The following EPHA10 variants were observed in gnomAD, a reference collection of about 807,000 sequenced individuals.
EPHA10 encodes the protein ephrin type-A receptor 10.
Under a neutral mutation model 109.7 loss-of-function variants are expected in EPHA10, and 120 were observed. The ratio of observed to expected loss-of-function variants is 1.09; its 90% CI spans 0.94 to 1.27. The LOEUF is 1.27. Among genes scored for constraint, EPHA10 ranks in the 50% most tolerant of loss-of-function variants. EPHA10 has a pLI of 0.00. For missense variants in EPHA10, 1,396 were observed against 1,411.1 expected, an observed-to-expected ratio of 0.99 and a Z score of 0.17; for synonymous variants, 640 against 618.9, an observed-to-expected ratio of 1.03 and a Z score of -0.51.
At chr1:37,760,101 T>A (rs1312068903) in intron 3 of EPHA10, among the ~76,000 whole-genome samples, 2 of 152,226 alleles carry the variant, frequency 1.3e-5, no homozygotes, top group Non-Finnish European at 2.9e-5. Context: ...GCAAATTTAG[T>A]CACTTCCTCC....
At chr1:37,758,688 A>G (rs892208835) in intron 3 of EPHA10, among the ~76,000 whole-genome samples, 15 of 152,024 alleles carry the variant, frequency 9.9e-5, no homozygotes, top group African/African-American at 3.6e-4. Flanking sequence ...AAGTATTGCT[A>G]TTCTATGAGT....
In EPHA10 at chr1:37,750,314, T is replaced by C. The variant is rs189815825; in HGVS notation, c.1357+2562A>G. Among the ~76,000 whole-genome samples the C allele has an allele frequency of 2.8e-4, 43 of 152,150 alleles. No individual in the cohort carries two copies. The East Asian group carries it at 7.1e-3, about 25-fold the overall frequency. ...ATACCCATCTGACATGAAAGAAAGA[T>C]GGAAAAAAAGAATTTTTAAAGATGT... On this transcript the variant is annotated intron_variant, in intron 5 of 16. Coordinates refer to ENST00000373048, the MANE Select transcript of EPHA10 (RefSeq NM_001099439.2).
chr1:37,760,314 C>T (rs1393243276), intron 3 of EPHA10: 8 of 1,042,182 alleles, frequency 7.7e-6, no homozygotes, highest in Non-Finnish European at 8.1e-6. Context: ...TAAGTACACA[C>T]ATTAATAACC....
chr1:37,761,123 C>T, intron 3 of EPHA10: 1 of 1,225,456 alleles, frequency 8.2e-7, no homozygotes, highest in Non-Finnish European at 1.0e-6. Flanking sequence ...TCCTTTATTG[C>T]CATGAAAATA....
intron 13 of EPHA10, 89 bp from the exon 14 acceptor site, chr1:37,720,147 T>C (rs1557528660): frequency 6.5e-7 from 1 of 1,530,104 alleles, no homozygotes; most frequent in Non-Finnish European, 8.8e-7. Flanking sequence ...AGCCTGCATG[T>C]CATCCTCCCA....
chr1:37,721,752 T>G lies in EPHA10; in HGVS notation c.2054A>C (p.Asp685Ala), dbSNP rs765149449. ...AVHMLRDSAS[D>A]SQRLGFLAEA... ...GGCCAGGAAGCCGAGCCTCTGTGAG[T>G]CGGAGGCGCTGTCCCTCAGCATATG... The change falls in exon 11 of 17, where the codon GAC becomes GCC. Residue 685 changes from aspartate to alanine, a missense_variant. By Grantham distance (126) the Asp-to-Ala change is moderately radical (BLOSUM62 -2). Transcript: ENST00000373048. The G allele has an allele frequency of 6.2e-7, 1 of 1,612,560 alleles. No individual in the cohort carries two copies. Among genetic ancestry groups the G allele is most frequent in the South Asian group, 1.1e-5 (1 of 91,000 alleles).
intron 8 of EPHA10, among the ~76,000 whole-genome samples, chr1:37,724,883 G>C (rs1438493811): frequency 6.6e-6 from 1 of 152,174 alleles, no homozygotes; most frequent in Non-Finnish European, 1.5e-5. Context: ...AGATAGGCCT[G>C]CCAGACAGCA....
chr1:37,724,149 C>T (rs1557533740), intron 8 of EPHA10, among the ~76,000 whole-genome samples: 1 of 152,184 alleles, frequency 6.6e-6, no homozygotes, highest in Non-Finnish European at 1.5e-5. Flanking sequence ...ATGGGGTCAA[C>T]ATGGGCATGG....
At position 37,754,208 on chromosome 1, in the gene EPHA10, G is replaced by A; in HGVS notation, c.1006+7C>T. ...CCTCCGCAGTGCAGCCTGGAGGGGG[G>A]ACTCACGGGTGCAGGAAGCCGAGGG... is the stretch of plus-strand genomic sequence containing the variant. On this transcript the variant is annotated splice_region_variant and intron_variant, in intron 4 of 16. Coordinates refer to ENST00000373048, the MANE Select transcript of EPHA10 (RefSeq NM_001099439.2). This position sits in a 1 kb window ranked among gnomAD's most constrained non-coding sequence, Gnocchi z 4.5. 2 of 1,288,270 alleles carry A rather than the reference G, an allele frequency of 1.6e-6. No homozygotes were observed. The highest frequency in any genetic ancestry group is 1.5e-5 in the African/African-American group (1 of 64,900). The allele number at this position is 1,288,270 out of a possible 1,614,324, so 79.8% of individuals were successfully genotyped here. A position where few individuals can be genotyped will look rare whatever the true frequency, so the allele number is the denominator to read the frequency against.
intron 10 of EPHA10, 28 bp from the exon 11 acceptor site, chr1:37,721,873 G>A (rs551640169): frequency 1.5e-5 from 22 of 1,513,242 alleles, no homozygotes; most frequent in East Asian, 4.9e-5. Context: ...CTCAGATACC[G>A]CCAGAGGCCA....
At chr1:37,741,558 T>C (rs1646153943) in intron 5 of EPHA10, among the ~76,000 whole-genome samples, 1 of 152,030 alleles carries the variant, frequency 6.6e-6, no homozygotes. Flanking sequence ...CACCATAAAC[T>C]AGTCTTGACA....
chr1:37,719,747 C>A, intron 14 of EPHA10, 140 bp from the exon 15 acceptor site: 1 of 1,422,038 alleles, frequency 7.0e-7, no homozygotes, highest in Non-Finnish European at 9.7e-7. Context: ...CACACACACA[C>A]CCAAGGAAGC....
chr1:37,738,981 T>C (rs1259950509), intron 5 of EPHA10, among the ~76,000 whole-genome samples: 1 of 151,938 alleles, frequency 6.6e-6, no homozygotes. Context: ...GCAGGGAACA[T>C]CACACACCGG....
Position 37,759,404 on chromosome 1 carries a change from T to C in EPHA10, c.850+2001A>G, listed in dbSNP as rs574500596. Among the ~76,000 whole-genome samples the C allele has an allele frequency of 5.9e-5, 9 of 152,278 alleles. 1 individual carries two copies. The South Asian group carries it at 1.9e-3, about 32-fold the overall frequency. On this transcript the variant is annotated intron_variant, in intron 3 of 16. Transcript: ENST00000373048. ...CATGCAATTCCTAAGCTTAGAATGCTCTAAGCTGCCTGGGAAAAAAAAACC... is the reference window on the plus strand; with the variant it reads ...CATGCAATTCCTAAGCTTAGAATGCCCTAAGCTGCCTGGGAAAAAAAAACC...
chr1:37,752,837 G>A (rs1230974031), intron 5 of EPHA10, 39 bp downstream of exon 5: 1 of 1,228,384 alleles, frequency 8.1e-7, no homozygotes, highest in Non-Finnish European at 1.0e-6. Context: ...GGGGCGGCAG[G>A]CGCGGTGGCC....
chr1:37,735,605 C>T (rs2148336888), intron 5 of EPHA10, among the ~76,000 whole-genome samples: 1 of 152,118 alleles, frequency 6.6e-6, no homozygotes, highest in East Asian at 1.9e-4. Context: ...ACCTCTGCCC[C>T]CACAGCCCTT....
In EPHA10 at chr1:37,753,098, G is replaced by T. The variant is rs557124744; in HGVS notation, c.1135C>A (p.Arg379Ser). ...SDVTYSLLCL[R>S]CGREGPAGAC... ...CCCGCCGGGCCCTCGCGGCCGCAGC[G>T]CAGGCACAGCAGCGAGTAGGTGACG... Residue 379 changes from arginine to serine, a missense_variant, in exon 5 of 17, where the codon CGC becomes AGC. Transcript: ENST00000373048. 218 of 1,360,304 alleles carry T rather than the reference G, an allele frequency of 1.6e-4. No homozygotes were observed. In the African/African-American group the frequency reaches 3.0e-3, roughly 19 times the overall value. 84.3% of individuals were successfully genotyped at this position (1,360,304 alleles called of 1,614,324 possible).
chr1:37,719,402 G>A lies in EPHA10; in HGVS notation c.2756+12C>T, dbSNP rs762374343. 2.5e-6 allele frequency: 4 copies of A among 1,608,264 alleles called. No homozygotes were observed. The highest frequency in any genetic ancestry group is 3.4e-6 in the Non-Finnish European group (4 of 1,178,396). ...ACAGGTGAGAGGCTGGCTGTCCCAT[G>A]TGGGAACGTACCTGGGACAGGTAGT... On this transcript the variant is annotated intron_variant, in intron 15 of 16. Transcript: ENST00000373048.
At chr1:37,757,703 A>G (rs1026084880) in intron 3 of EPHA10, among the ~76,000 whole-genome samples, 1 of 152,086 alleles carries the variant, frequency 6.6e-6, no homozygotes, top group African/African-American at 2.4e-5. Flanking sequence ...TTTCCCAGAG[A>G]AACCTCCTCC....
Sources: allele counts gnomAD v4.1 joint callset (sites outside exome capture counted in the v4.1 genomes callset), GRCh38; gene constraint gnomAD v4.1.1; non-coding constraint Gnocchi (gnomAD v3.1); transcripts MANE v1.5; gene names NCBI Gene and HGNC (gene_info 2026-07-23, HGNC 2026-07-21).